ACER3: variants seen among roughly 807,000 people sequenced by gnomAD.
ACER3 encodes alkaline ceramidase 3, also known as alkCDase 3.
ACER3 carries 16 observed loss-of-function variants against 48.9 expected under a neutral mutation model. That is an observed-to-expected ratio of 0.33 (90% confidence interval 0.22 to 0.50). The LOEUF (loss-of-function observed/expected upper bound fraction) is 0.50, where lower values mean the gene tolerates loss of function less well. Among genes scored for constraint, ACER3 ranks in the 20% least tolerant of loss-of-function variants. The pLI is 0.98. For missense variants in ACER3, 227 were observed against 326.0 expected (o/e 0.70, Z 2.34); for synonymous variants, 109 against 107.8 (o/e 1.01, Z -0.07).
At chr11:77,020,208 C>CT in intron 10 of ACER3, 66 bp from the exon 11 acceptor site, 2 of 1,550,418 alleles carry the variant, frequency 1.3e-6, no homozygotes, top group Non-Finnish European at 1.8e-6. Flanking sequence ...CTTTCTCATT[C>CT]TTTTTCAGGG....
intron 1 of ACER3, among the ~76,000 whole-genome samples, chr11:76,909,320 T>A (rs1046058775): frequency 2.3e-4 from 35 of 152,058 alleles, no homozygotes; most frequent in Non-Finnish European, 4.1e-4. Context: ...GAAACTATCA[T>A]CAGAGTGAAC....
chr11:77,011,068 T>C (rs1217836776), intron 7 of ACER3, among the ~76,000 whole-genome samples: 2 of 152,192 alleles, frequency 1.3e-5, no homozygotes, highest in African/African-American at 4.8e-5. Flanking sequence ...GTGAAGGCAG[T>C]TCCTAAGGTG....
chr11:76,935,232 G>T (rs761883127), intron 2 of ACER3, among the ~76,000 whole-genome samples: 1 of 152,040 alleles, frequency 6.6e-6, no homozygotes, highest in Non-Finnish European at 1.5e-5. Flanking sequence ...GAGAGAAAAG[G>T]ATTGAAATGG....
At chr11:77,014,366 T>C (rs1390062023) in intron 7 of ACER3, among the ~76,000 whole-genome samples, 11 of 152,254 alleles carry the variant, frequency 7.2e-5, no homozygotes, top group African/African-American at 2.7e-4. Context: ...TTTAATTGTT[T>C]ACCTCCCCCA....
chr11:76,885,836 G>A (rs114311244), intron 1 of ACER3, among the ~76,000 whole-genome samples: 36 of 152,264 alleles, frequency 2.4e-4, no homozygotes, highest in African/African-American at 8.4e-4. Context: ...CTAGCTCTGG[G>A]AGGAGCAATT....
intron 4 of ACER3, among the ~76,000 whole-genome samples, chr11:76,983,258 T>C (rs1040813059): frequency 6.6e-6 from 1 of 152,214 alleles, no homozygotes; most frequent in African/African-American, 2.4e-5. Flanking sequence ...TTTAAGTGAA[T>C]TGATCTTTGT....
chr11:76,909,236 C>T (rs940191778), intron 1 of ACER3, among the ~76,000 whole-genome samples: 12 of 152,046 alleles, frequency 7.9e-5, no homozygotes, highest in Admixed American at 3.3e-4. Flanking sequence ...ACTAAAACAC[C>T]AAAAGCAATG....
chr11:76,942,499 T>A (rs1016203119), intron 2 of ACER3, among the ~76,000 whole-genome samples: 1 of 152,090 alleles, frequency 6.6e-6, no homozygotes. Flanking sequence ...TGTATTTGCA[T>A]ATGTTTAACT....
intron 1 of ACER3, among the ~76,000 whole-genome samples, chr11:76,913,779 C>T (rs1255369265): frequency 1.3e-5 from 2 of 152,122 alleles, no homozygotes; most frequent in African/African-American, 4.8e-5. Flanking sequence ...GGAGGCATCA[C>T]GCTACCTGAC....
intron 1 of ACER3, among the ~76,000 whole-genome samples, chr11:76,884,993 G>T (rs960972004): frequency 4.6e-5 from 7 of 152,010 alleles, no homozygotes; most frequent in African/African-American, 1.7e-4. Flanking sequence ...TCAAACTCCT[G>T]GGCTCAAGTA....
At chr11:77,019,407 C>T (rs908947153) in intron 9 of ACER3, 4 of 189,560 alleles carry the variant, frequency 2.1e-5, no homozygotes, top group African/African-American at 4.7e-5. Flanking sequence ...TGCAGTGAGC[C>T]GAGATTGCGC....
At chr11:77,013,486 A>G (rs1224579082) in intron 7 of ACER3, among the ~76,000 whole-genome samples, 3 of 152,210 alleles carry the variant, frequency 2.0e-5, no homozygotes, top group Non-Finnish European at 2.9e-5. Context: ...GCTCAAAAAC[A>G]TTAGTCATTA....
At chr11:76,956,338 C>T (rs769064344) in intron 2 of ACER3, among the ~76,000 whole-genome samples, 3 of 152,020 alleles carry the variant, frequency 2.0e-5, no homozygotes, top group Admixed American at 6.6e-5. Context: ...CAGGAGAGCA[C>T]TTTTTAAAAG....
intron 4 of ACER3, among the ~76,000 whole-genome samples, chr11:76,977,080 T>C (rs758398952): frequency 6.6e-6 from 1 of 152,180 alleles, no homozygotes; most frequent in Non-Finnish European, 1.5e-5. Context: ...TCAACAACTA[T>C]GCAAGATAAA....
At chr11:76,899,843 G>A (rs898192851) in intron 1 of ACER3, among the ~76,000 whole-genome samples, 1 of 152,100 alleles carries the variant, frequency 6.6e-6, no homozygotes, top group Non-Finnish European at 1.5e-5. Flanking sequence ...GGGTTGGGGT[G>A]CTGAGCACAA....
chr11:76,929,679 G>A (rs922916699), intron 2 of ACER3, among the ~76,000 whole-genome samples: 1 of 152,176 alleles, frequency 6.6e-6, no homozygotes, highest in African/African-American at 2.4e-5. Context: ...TTAGCACGAA[G>A]GGCTGTTGAA....
chr11:76,980,571 G>A (rs1370611456), intron 4 of ACER3, among the ~76,000 whole-genome samples: 3 of 152,076 alleles, frequency 2.0e-5, no homozygotes, highest in Admixed American at 6.6e-5. Context: ...AGCTACACAG[G>A]AGGCTAAGGC....
At chr11:76,882,258 A>AC (rs35461425) in intron 1 of ACER3, among the ~76,000 whole-genome samples, 107,073 of 151,932 alleles carry the variant, frequency 0.7, 38,039 homozygotes, top group Non-Finnish European at 0.74. Context: ...GCCCGCGTCA[A>AC]CTGCCAAAGT....
intron 2 of ACER3, among the ~76,000 whole-genome samples, chr11:76,933,330 AG>A (rs34840312): frequency 0.052 from 7,103 of 136,172 alleles, 244 homozygotes; most frequent in Middle Eastern, 0.12. Flanking sequence ...TTTCTCGCAG[AG>A]GGGGATTTGG....
Sources: gnomAD v4.1 joint callset for allele counts (sites outside exome capture counted in the v4.1 genomes callset) on GRCh38, gnomAD v4.1.1 for gene constraint, MANE v1.5 for transcripts, NCBI Gene and HGNC (gene_info 2026-07-23, HGNC 2026-07-21) for gene names.